The following MAST2 variants were observed in gnomAD, a reference collection of about 807,000 sequenced individuals.
The protein encoded by MAST2 is microtubule-associated serine/threonine-protein kinase 2.
A neutral mutation model predicts 147.4 loss-of-function variants in MAST2; 70 were observed. That is an observed-to-expected ratio of 0.47 (90% CI 0.39 to 0.58). The LOEUF is 0.58. Among genes scored for constraint, MAST2 ranks in the 20% least tolerant of loss-of-function variants. The probability of loss-of-function intolerance (pLI) is 0.00; values close to 1 mark genes in which losing one functional copy is unlikely to be tolerated. For missense variants in MAST2, 2,080 were observed against 2,302.3 expected, an observed-to-expected ratio of 0.90 and a Z score of 1.98; for synonymous variants, 869 against 896.8, an observed-to-expected ratio of 0.97 and a Z score of 0.55.
At chr1:45,857,650 T>A (rs1217687382) in intron 3 of MAST2, among the ~76,000 whole-genome samples, 1 of 152,128 alleles carries the variant, frequency 6.6e-6, no homozygotes, top group Non-Finnish European at 1.5e-5. Context: ...GTGCACAATG[T>A]GCAGGTTTGT....
At chr1:45,977,764 C>T (rs1251833927) in intron 5 of MAST2, among the ~76,000 whole-genome samples, 1 of 147,096 alleles carries the variant, frequency 6.8e-6, no homozygotes, top group Middle Eastern at 3.3e-3. Flanking sequence ...CGCGCCACTA[C>T]ACTCTAGCCT....
At chr1:45,962,703 T>A (rs936521207) in intron 5 of MAST2, among the ~76,000 whole-genome samples, 1 of 152,248 alleles carries the variant, frequency 6.6e-6, no homozygotes, top group Non-Finnish European at 1.5e-5. Flanking sequence ...TGCAAAAATT[T>A]TCTCCCATTC....
chr1:45,893,505 C>T (rs1336098273), intron 4 of MAST2, among the ~76,000 whole-genome samples: 1 of 151,256 alleles, frequency 6.6e-6, no homozygotes, highest in Non-Finnish European at 1.5e-5. Flanking sequence ...CCTCCCAAAA[C>T]GTTGGGATTG....
chr1:45,885,411 G>A (rs1647037972), intron 4 of MAST2, among the ~76,000 whole-genome samples: 1 of 152,152 alleles, frequency 6.6e-6, no homozygotes, highest in Non-Finnish European at 1.5e-5. Context: ...TTCAATTGCT[G>A]TGCTTTTCAC....
chr1:45,874,239 A>C (rs1381019266), intron 3 of MAST2, among the ~76,000 whole-genome samples: 1 of 152,202 alleles, frequency 6.6e-6, no homozygotes, highest in East Asian at 1.9e-4. Context: ...ACAGAAGCCT[A>C]GTTTTCCAAA....
In MAST2 at chr1:46,019,603, A is replaced by T; in HGVS notation, c.1196A>T (p.Glu399Val). ...NLEKLLQDAHERSESSEVAFV... is the reference protein window; with the variant it reads ...NLEKLLQDAHVRSESSEVAFV... Reference sequence around the variant, plus strand: ...CGCTTCTTTTCTCTATAGGCTCATGAGCGCTCAGAGAGCTCAGAAGTGGCT... The same window carrying T: ...CGCTTCTTTTCTCTATAGGCTCATGTGCGCTCAGAGAGCTCAGAAGTGGCT... The change falls in exon 11 of 29, where the codon GAG becomes GTG. Residue 399 changes from glutamate to valine, a missense_variant. Glu to Val is a moderately radical substitution (Grantham distance 121). Around this residue, in one of 4 missense-constraint regions of MAST2, gnomAD observed 569 missense variants for 642.5 expected, o/e 0.89. Transcript: ENST00000361297. 6.2e-7 allele frequency: 1 copy of T among 1,613,888 alleles called. No individual in the cohort carries two copies. The highest frequency in any genetic ancestry group is 8.5e-7 in the Non-Finnish European group (1 of 1,179,858).
intron 5 of MAST2, among the ~76,000 whole-genome samples, chr1:45,967,397 A>G (rs1339134053): frequency 6.6e-6 from 1 of 152,132 alleles, no homozygotes; most frequent in Non-Finnish European, 1.5e-5. Flanking sequence ...CTGCCCCGAA[A>G]TTTAACTACT....
intron 4 of MAST2, among the ~76,000 whole-genome samples, chr1:45,930,345 C>T (rs1034788392): frequency 1.3e-5 from 2 of 152,108 alleles, no homozygotes; most frequent in Non-Finnish European, 2.9e-5. Context: ...TCCCAAAGTG[C>T]TGGGATTACA....
Position 46,034,885 on chromosome 1 carries a change from C to CA in MAST2, c.4217dup (p.Ser1407ValfsTer3). On this transcript the variant is annotated frameshift_variant, in exon 29 of 29. Coordinates refer to ENST00000361297, the MANE Select transcript of MAST2 (RefSeq NM_015112.3). LOFTEE classifies it low-confidence loss of function (END_TRUNC). ...CCGTTCACCACTACTCAAGAGGGTG[C>CA]AGTCGGCTGAGAAACTGGCAGCAGC... The CA allele has an allele frequency of 1.9e-6, 3 of 1,614,228 alleles. No homozygotes were observed. The highest frequency in any genetic ancestry group is 2.5e-6 in the Non-Finnish European group (3 of 1,180,036).
intron 5 of MAST2, among the ~76,000 whole-genome samples, chr1:45,967,352 G>A (rs1661386966): frequency 6.6e-6 from 1 of 152,148 alleles, no homozygotes; most frequent in African/African-American, 2.4e-5. Flanking sequence ...TTACAGGCGT[G>A]AGTCACTGCA....
At chr1:45,884,283 C>T (rs919709425) in intron 4 of MAST2, among the ~76,000 whole-genome samples, 2 of 152,088 alleles carry the variant, frequency 1.3e-5, no homozygotes, top group East Asian at 3.9e-4. Context: ...TGCGGTGGCT[C>T]ACACCTATAG....
At chr1:45,900,803 G>T (rs933194291) in intron 4 of MAST2, among the ~76,000 whole-genome samples, 1 of 152,050 alleles carries the variant, frequency 6.6e-6, no homozygotes, top group Non-Finnish European at 1.5e-5. Flanking sequence ...TTGGTCACTT[G>T]TCTTCTTTTG....
rs192112624 is a variant in MAST2, at chr1:45,951,540, G to A, written c.501-7846G>A. ...AGAGGCAACAGTGAGTGGAGATTGA[G>A]CCACTGCACTCCAACCTGGGTGACA... On this transcript the variant is annotated intron_variant, in intron 4 of 28. Transcript: ENST00000361297. 2.4e-4 allele frequency among the ~76,000 whole-genome samples: 37 copies of A among 152,216 alleles called. No homozygotes were observed. In the East Asian group the frequency reaches 4.1e-3, roughly 17 times the overall value.
At position 46,030,229 on chromosome 1, in the gene MAST2, G is replaced by A. The variant is rs781258212; in HGVS notation, c.2544G>A (p.Arg848=). The A allele has an allele frequency of 2.2e-5, 36 of 1,614,030 alleles. No individual in the cohort carries two copies. Among genetic ancestry groups the A allele is most frequent in the Non-Finnish European group, 2.8e-5 (33 of 1,179,916 alleles). Residue 848 remains arginine (R), a synonymous_variant, in exon 21 of 29, where the codon AGG becomes AGA. Coordinates refer to ENST00000361297, the MANE Select transcript of MAST2 (RefSeq NM_015112.3). ...GCCAGTTCTCTTCCTGCTCTCCAAG[G>A]TTCAACAAGGTGTGACTGAGGAGGC... ...EIRQFSSCSP[R]FNKVYSSMER...
chr1:46,030,481 G>A, intron 21 of MAST2, 126 bp from the exon 22 acceptor site: 1 of 1,111,834 alleles, frequency 9.0e-7, no homozygotes, highest in Non-Finnish European at 1.3e-6. Context: ...ATTCAGCAGG[G>A]GTGTGTGAAG....
chr1:45,961,079 G>A (rs1570942664), intron 5 of MAST2, among the ~76,000 whole-genome samples: 1 of 152,092 alleles, frequency 6.6e-6, no homozygotes, highest in East Asian at 1.9e-4. Flanking sequence ...CTAGAAGCCA[G>A]CCTTTTAGTG....
intron 3 of MAST2, among the ~76,000 whole-genome samples, chr1:45,839,129 A>ATTT (rs370950575): frequency 3.9e-5 from 5 of 127,608 alleles, no homozygotes; most frequent in Admixed American, 1.6e-4. Flanking sequence ...ACCATCACAA[A>ATTT]TTTTTTTTTT....
intron 5 of MAST2, among the ~76,000 whole-genome samples, chr1:45,970,891 A>G (rs1284325473): frequency 6.6e-6 from 1 of 151,690 alleles, no homozygotes; most frequent in Non-Finnish European, 1.5e-5. Context: ...CCAGGCCAGA[A>G]CTGGAAGTCA....
At chr1:45,850,477 G>A (rs111642924) in intron 3 of MAST2, among the ~76,000 whole-genome samples, 2 of 152,068 alleles carry the variant, frequency 1.3e-5, no homozygotes, top group African/African-American at 2.4e-5. Flanking sequence ...TGTTTTTGTT[G>A]CAATTGCTTT....
Sources: gnomAD v4.1 joint callset for allele counts (sites outside exome capture counted in the v4.1 genomes callset) on GRCh38, gnomAD v4.1.1 for gene constraint, gnomAD v4.1.1 regional missense constraint, MANE v1.5 for transcripts, NCBI Gene and HGNC (gene_info 2026-07-23, HGNC 2026-07-21) for gene names.